CD101: variants seen among roughly 807,000 people sequenced by gnomAD.
CD101 encodes CD101 molecule, also known as immunoglobulin superfamily member 2.
In CD101, 76 loss-of-function variants were observed where a neutral mutation model predicts 98.2. The observed-to-expected ratio is 0.77, with a 90% CI of 0.64 to 0.94. CD101 has a LOEUF of 0.94. Ranked by LOEUF, CD101 falls within the 40% of genes least tolerant of loss-of-function variation. CD101 has a pLI of 0.00. For synonymous variants in CD101, 471 were observed against 472.7 expected, an observed-to-expected ratio of 1.00 and a Z score of 0.05; for missense variants, 1,145 against 1,218.8, an observed-to-expected ratio of 0.94 and a Z score of 0.90.
rs944918969 is a variant in CD101 at position 117,018,998 on chromosome 1, C to T, written c.2017+438C>T. ...GTAAATTCCACTGGAATACATCCAC[C>T]TACTTCTTTGTAAGGTGTTAATGTA... On this transcript the variant is annotated intron_variant, in intron 6 of 9. Coordinates refer to ENST00000682167, the MANE Select transcript of CD101 (RefSeq NM_001256106.3). The surrounding 1 kb of genome is among the most constrained non-coding windows in gnomAD (Gnocchi z 4.3). Among the ~76,000 whole-genome samples the T allele has an allele frequency of 2.6e-5, 4 of 152,172 alleles. No individual in the cohort carries two copies. Among genetic ancestry groups the T allele is most frequent in the African/African-American group, 7.2e-5 (3 of 41,432 alleles).
In CD101 at chr1:117,022,123, G is replaced by A. The variant is rs1653625952; in HGVS notation, c.2428+140G>A. On this transcript the variant is annotated intron_variant, in intron 7 of 9. Coordinates refer to ENST00000682167, the MANE Select transcript of CD101 (RefSeq NM_001256106.3). The surrounding 1 kb of genome is among the most constrained non-coding windows in gnomAD (Gnocchi z 4.8). Reference sequence around the variant, plus strand: ...GAACAGTATCTACCTACACATGACTGCAAGACCGAGTAGTCCACCAAAGGA... The same window carrying A: ...GAACAGTATCTACCTACACATGACTACAAGACCGAGTAGTCCACCAAAGGA... The A allele has an allele frequency of 1.1e-6, 1 of 929,866 alleles. No homozygotes were observed. The highest frequency in any genetic ancestry group is 1.9e-5 in the South Asian group (1 of 53,702). 57.6% of individuals were successfully genotyped at this position (929,866 alleles called of 1,614,324 possible).
chr1:117,012,000 T>C, intron 3 of CD101, 34 bp downstream of exon 3: 2 of 1,492,132 alleles, frequency 1.3e-6, no homozygotes, highest in Non-Finnish European at 1.8e-6. Flanking sequence ...ATTAATACAC[T>C]AGTATTAGGT....
Position 117,034,068 on chromosome 1 carries a change from G to C in CD101, c.3033G>C (p.Arg1011Ser), listed in dbSNP as rs764131704. The change falls in exon 9 of 10, where the codon AGG becomes AGC. Residue 1011 changes from arginine to serine, a missense_variant. Transcript: ENST00000682167. ...LKEAGGVTTN[R>S]REDEEEDEGN ...AGGCTGGAGGTGTGACCACAAATAG[G>C]AGGGAAGACGAGGAGGAAGATGAAG... 9.7e-5 allele frequency: 157 copies of C among 1,614,060 alleles called. 1 individual carries two copies. In the South Asian group the frequency reaches 1.6e-3, roughly 16 times the overall value.
intron 7 of CD101, among the ~76,000 whole-genome samples, chr1:117,025,264 G>A (rs1367521245): frequency 6.6e-6 from 1 of 152,198 alleles, no homozygotes; most frequent in Non-Finnish European, 1.5e-5. Flanking sequence ...TTGGGAGGCT[G>A]AGGCAGGAGA....
At position 117,033,589 on chromosome 1, in the gene CD101, T is replaced by C. The variant is rs1470671236; in HGVS notation, c.2825-271T>C. Among the ~76,000 whole-genome samples the C allele has an allele frequency of 6.6e-6, 1 of 152,112 alleles. No homozygotes were observed. Among genetic ancestry groups the C allele is most frequent in the Admixed American group, 6.5e-5 (1 of 15,270 alleles). On this transcript the variant is annotated intron_variant, in intron 8 of 9. Transcript: ENST00000682167. This position sits in a 1 kb window ranked among gnomAD's most constrained non-coding sequence, Gnocchi z 4.8. ...GTTTTCTTTTTTGTTTTGTTTTTCA[T>C]TTTGGCTGTTAGTTTTAAGTAGGTC... is the stretch of plus-strand genomic sequence containing the variant.
Position 117,025,728 on chromosome 1 carries a change from A to C in CD101, c.2648A>C (p.His883Pro). ...YGEEGLRRHL[H>P]CYRSSSTDFV... ...GAAGAGGGGCTCAGGAGGCACCTGCACTGTTACCGTTCATCCTCTACAGAC... is the reference window on the plus strand; with the variant it reads ...GAAGAGGGGCTCAGGAGGCACCTGCCCTGTTACCGTTCATCCTCTACAGAC... The change falls in exon 8 of 10, where the codon CAC becomes CCC. Residue 883 changes from histidine (H) to proline (P), a missense_variant. Physicochemically the swap from His to Pro is moderately conservative, Grantham distance 77. Coordinates refer to ENST00000682167, the MANE Select transcript of CD101 (RefSeq NM_001256106.3). 6.2e-7 allele frequency: 1 copy of C among 1,614,178 alleles called. No homozygotes were observed. The highest frequency in any genetic ancestry group is 8.5e-7 in the Non-Finnish European group (1 of 1,180,022).
At position 117,023,631 on chromosome 1, in the gene CD101, G is replaced by A. The variant is rs1162450631; in HGVS notation, c.2428+1648G>A. On this transcript the variant is annotated intron_variant, in intron 7 of 9. Coordinates refer to ENST00000682167, the MANE Select transcript of CD101 (RefSeq NM_001256106.3). This position sits in a 1 kb window ranked among gnomAD's most constrained non-coding sequence, Gnocchi z 4.4. ...AGGGTTTTACCATGTTGCTCAGGCT[G>A]GTCTTGAACTCCTGACCTCAGGTGA... is the stretch of plus-strand genomic sequence containing the variant. Among the ~76,000 whole-genome samples, 2 of 152,128 alleles carry A rather than the reference G, an allele frequency of 1.3e-5. No homozygotes were observed. Among genetic ancestry groups the A allele is most frequent in the East Asian group, 3.9e-4 (2 of 5,158 alleles).
chr1:117,035,164 C>A (rs1481893402), intron 9 of CD101, among the ~76,000 whole-genome samples: 1 of 152,170 alleles, frequency 6.6e-6, no homozygotes, highest in African/African-American at 2.4e-5. Context: ...ATCTTTGTTT[C>A]AAAAGCCGCT....
intron 1 of CD101, 83 bp downstream of exon 1, chr1:117,001,943 G>A (rs1652254155): frequency 7.6e-7 from 1 of 1,308,738 alleles, no homozygotes; most frequent in Non-Finnish European, 1.1e-6. Flanking sequence ...GGACAATTTG[G>A]TCTCTACAGG....
rs779057412 is a variant in CD101 at position 117,013,359 on chromosome 1, C to T, written c.842-47C>T. On this transcript the variant is annotated intron_variant, in intron 3 of 9. Transcript: ENST00000682167. ...TCATCTCTCTCTGGTACTGAAAGGACAGAGGCTGTGGGCTCTCTAAATACC... is the reference window on the plus strand; with the variant it reads ...TCATCTCTCTCTGGTACTGAAAGGATAGAGGCTGTGGGCTCTCTAAATACC... The T allele has an allele frequency of 6.4e-6, 10 of 1,550,468 alleles. No homozygotes were observed. The East Asian group carries it at 2.3e-4, about 35-fold the overall frequency.
At position 117,010,175 on chromosome 1, in the gene CD101, A is replaced by G; in HGVS notation, c.369A>G (p.Thr123=). The G allele has an allele frequency of 6.2e-7, 1 of 1,614,188 alleles. No individual in the cohort carries two copies. Among genetic ancestry groups the G allele is most frequent in the Non-Finnish European group, 8.5e-7 (1 of 1,180,032 alleles). The change falls in exon 2 of 10, where the codon ACA becomes ACG. Residue 123 remains threonine (T), a synonymous_variant. Transcript: ENST00000682167. This position sits in a 1 kb window ranked among gnomAD's most constrained non-coding sequence, Gnocchi z 5.2. ...ATGCTGGCGAGTATGAGTGTCACAC[A>G]CCAAACACTGATGAGAAATACTATG... ...MKDAGEYECH[T]PNTDEKYYGS...
intron 7 of CD101, among the ~76,000 whole-genome samples, chr1:117,024,641 T>C (rs1653790930): frequency 6.6e-6 from 1 of 152,162 alleles, no homozygotes. Context: ...GGAAAAAAAG[T>C]AAATGTCAAA....
Position 117,010,023 on chromosome 1 carries a change from A to G in CD101, c.217A>G (p.Ile73Val). 6.2e-7 allele frequency: 1 copy of G among 1,614,232 alleles called. No individual in the cohort carries two copies. Among genetic ancestry groups the G allele is most frequent in the Non-Finnish European group, 8.5e-7 (1 of 1,180,034 alleles). The change falls in exon 2 of 10, where the codon ATT becomes GTT. Residue 73 changes from isoleucine (I) to valine (V), a missense_variant. By Grantham distance (29) the Ile-to-Val change is conservative. Transcript: ENST00000682167. The surrounding 1 kb of genome is among the most constrained non-coding windows in gnomAD (Gnocchi z 5.2). Reference sequence around the variant, plus strand: ...AAACCCGACCCAGGAAGTCCAGATCATTAGCACCAAGGATGCTGCCTTCTC... The same window carrying G: ...AAACCCGACCCAGGAAGTCCAGATCGTTAGCACCAAGGATGCTGCCTTCTC... The part of the protein sequence containing the change: ...PTNPTQEVQI[I>V]STKDAAFSYA...
intron 1 of CD101, 129 bp from the exon 2 acceptor site, chr1:117,009,721 A>G: frequency 1.1e-6 from 1 of 911,394 alleles, no homozygotes; most frequent in Non-Finnish European, 1.6e-6. Context: ...TGAACATTTG[A>G]GTCAATTATA....
chr1:117,002,321 A>G (rs1652274534), intron 1 of CD101, among the ~76,000 whole-genome samples: 1 of 152,260 alleles, frequency 6.6e-6, no homozygotes, highest in South Asian at 2.1e-4. Flanking sequence ...CTATGCTAAA[A>G]GAAGGTTCTA....
intron 8 of CD101, among the ~76,000 whole-genome samples, chr1:117,030,216 C>T (rs960715634): frequency 3.3e-5 from 5 of 151,996 alleles, no homozygotes; most frequent in African/African-American, 9.7e-5. Context: ...ACCCCTGTCT[C>T]TACAAAAAAT....
At chr1:117,009,597 C>T (rs1352022100) in intron 1 of CD101, among the ~76,000 whole-genome samples, 1 of 152,190 alleles carries the variant, frequency 6.6e-6, no homozygotes, top group Non-Finnish European at 1.5e-5. Context: ...GGTCGTGTTA[C>T]ATTGATGAAG....
intron 1 of CD101, among the ~76,000 whole-genome samples, chr1:117,007,978 G>A (rs193077881): frequency 1.5e-4 from 23 of 152,170 alleles, no homozygotes; most frequent in Admixed American, 1.4e-3. Flanking sequence ...CACATAGCTT[G>A]GTGCACACAT....
chr1:117,018,560 G>C lies in CD101; in HGVS notation c.2017G>C (p.Glu673Gln). 1.3e-6 allele frequency: 2 copies of C among 1,561,512 alleles called. No homozygotes were observed. Among genetic ancestry groups the C allele is most frequent in the South Asian group, 1.2e-5 (1 of 84,316 alleles). Reference sequence around the variant, plus strand: ...ACTGAGGATAGCCGTCACTTTACCAGGTAAGTGTGACTTGAAATTAATCCC... The same window carrying C: ...ACTGAGGATAGCCGTCACTTTACCACGTAAGTGTGACTTGAAATTAATCCC... ...HPLRIAVTLP[E>Q]SKLKVNSRSQ... The change falls in exon 6 of 10, where the codon GAG becomes CAG. Residue 673 changes from glutamate (E) to glutamine (Q), a missense_variant and splice_region_variant. By Grantham distance (29) the Glu-to-Gln change is conservative. Transcript: ENST00000682167. This position sits in a 1 kb window ranked among gnomAD's most constrained non-coding sequence, Gnocchi z 4.3.
Sources: gnomAD v4.1 joint callset for allele counts (sites outside exome capture counted in the v4.1 genomes callset) on GRCh38, gnomAD v4.1.1 for gene constraint, Gnocchi (gnomAD v3.1) non-coding constraint, MANE v1.5 for transcripts, NCBI Gene and HGNC (gene_info 2026-07-23, HGNC 2026-07-21) for gene names.